Variants in ONECUT2 observed in about 807,000 individuals in gnomAD.
The protein encoded by ONECUT2 is one cut domain family member 2.
A neutral mutation model predicts 27.9 loss-of-function variants in ONECUT2; 10 were observed. The ratio of observed to expected loss-of-function variants is 0.36; its 90% CI spans 0.22 to 0.61. The LOEUF is 0.61. Ranked by LOEUF, ONECUT2 falls within the 20% of genes least tolerant of loss-of-function variation. The pLI is 0.73. For synonymous variants in ONECUT2, 334 were observed against 315.1 expected (o/e 1.06, Z -0.64); for missense variants, 686 against 721.0 (o/e 0.95, Z 0.56).
Position 57,435,993 on chromosome 18 carries a change from ACGG to A in ONECUT2, c.282_284del (p.Ala101del), listed in dbSNP as rs2050137749. The A allele has an allele frequency of 1.3e-6, 2 of 1,507,730 alleles. No individual in the cohort carries two copies. The highest frequency in any genetic ancestry group is 2.8e-5 in the African/African-American group (2 of 72,048). 93.4% of individuals were successfully genotyped at this position (1,507,730 alleles called of 1,614,324 possible). ...TCCAACCGCGCACCAGGAGCTGGGC[ACGG>A]CGGCAGCGGCGGCAGCGGCGGCGTC... On this transcript the variant is annotated inframe_deletion, in exon 1 of 2. Coordinates refer to ENST00000491143, the MANE Select transcript of ONECUT2 (RefSeq NM_004852.3).
At chr18:57,472,379 T>C (rs2050358754) in intron 1 of ONECUT2, among the ~76,000 whole-genome samples, 1 of 152,178 alleles carries the variant, frequency 6.6e-6, no homozygotes, top group Non-Finnish European at 1.5e-5. Context: ...GTCTCCTTTT[T>C]CTTAGGCTTT....
chr18:57,463,078 T>A (rs932968626), intron 1 of ONECUT2, among the ~76,000 whole-genome samples: 8 of 152,206 alleles, frequency 5.3e-5, no homozygotes, highest in Non-Finnish European at 1.0e-4. Context: ...CCATCCATAC[T>A]AAGGTCTGTA....
At chr18:57,444,112 T>C (rs1192924076) in intron 1 of ONECUT2, among the ~76,000 whole-genome samples, 1 of 152,224 alleles carries the variant, frequency 6.6e-6, no homozygotes, top group Admixed American at 6.5e-5. Flanking sequence ...GAACCCGCAG[T>C]GTTAGTGGTT....
At chr18:57,441,015 A>G (rs539864407) in intron 1 of ONECUT2, among the ~76,000 whole-genome samples, 1 of 152,284 alleles carries the variant, frequency 6.6e-6, no homozygotes, top group Non-Finnish European at 1.5e-5. Flanking sequence ...ACACCTTCCC[A>G]ACACGCATCA....
intron 1 of ONECUT2, among the ~76,000 whole-genome samples, chr18:57,443,152 G>T (rs945222527): frequency 1.3e-5 from 2 of 152,182 alleles, no homozygotes; most frequent in African/African-American, 4.8e-5. Context: ...GTGGTATCAT[G>T]GAGGGGGATC....
rs2050372591 is a variant in ONECUT2, at chr18:57,474,757, T to C, written c.1229-1680T>C. On this transcript the variant is annotated intron_variant, in intron 1 of 1. Coordinates refer to ENST00000491143, the MANE Select transcript of ONECUT2 (RefSeq NM_004852.3). ...GTAGCAGACCGTCCACATAAGATGC[T>C]GCCTGCAGAACACATTGAACAGGAA... Among the ~76,000 whole-genome samples the C allele has an allele frequency of 2.0e-5, 3 of 152,194 alleles. No homozygotes were observed. In the South Asian group the frequency reaches 6.2e-4, roughly 31 times the overall value.
chr18:57,473,972 T>C (rs773534806), intron 1 of ONECUT2, among the ~76,000 whole-genome samples: 5 of 152,224 alleles, frequency 3.3e-5, no homozygotes, highest in Admixed American at 1.3e-4. Context: ...CCTTTCTGTC[T>C]GAGTTCCCAC....
intron 1 of ONECUT2, among the ~76,000 whole-genome samples, chr18:57,464,060 T>C (rs2050307062): frequency 6.6e-6 from 1 of 152,128 alleles, no homozygotes; most frequent in African/African-American, 2.4e-5. Context: ...AAGACGCTGT[T>C]AAGTAAAAGA....
In ONECUT2 at chr18:57,485,365, A is replaced by C. The variant is rs188201767; in HGVS notation, c.*8642A>C. On this transcript the variant is annotated 3_prime_UTR_variant, in exon 2 of 2. Transcript: ENST00000491143. ...TTGATACTAAAGGGTTATTTGTGGT[A>C]AATGAAAAATGACCCCAAAATTACA... The C allele has an allele frequency of 2.6e-5, 4 of 152,362 alleles. No individual in the cohort carries two copies. Among genetic ancestry groups the C allele is most frequent in the East Asian group, 3.9e-4 (2 of 5,190 alleles). 9.4% of individuals were successfully genotyped at this position (152,362 alleles called of 1,614,324 possible).
chr18:57,447,736 G>A (rs888800854), intron 1 of ONECUT2, among the ~76,000 whole-genome samples: 6 of 152,002 alleles, frequency 3.9e-5, no homozygotes, highest in Non-Finnish European at 8.8e-5. Context: ...CCAGATGCAT[G>A]CTCCTGATTT....
At position 57,435,386 on chromosome 18, in the gene ONECUT2, G is replaced by C. The variant is rs914226673; in HGVS notation, c.-331G>C. Among the ~76,000 whole-genome samples, 19 of 151,952 alleles carry C rather than the reference G, an allele frequency of 1.3e-4. No homozygotes were observed. Among genetic ancestry groups the C allele is most frequent in the Admixed American group, 8.5e-4 (13 of 15,282 alleles). ...CCCGGCGAGCGGCAGAGCCCTTCTGGACAGCTCCCGCTCACCCAAACAGAA... is the reference window on the plus strand; with the variant it reads ...CCCGGCGAGCGGCAGAGCCCTTCTGCACAGCTCCCGCTCACCCAAACAGAA... On this transcript the variant is annotated 5_prime_UTR_variant, in exon 1 of 2. Transcript: ENST00000491143.
In ONECUT2 at chr18:57,477,648, C is replaced by A. The variant is rs11660231; in HGVS notation, c.*925C>A. On this transcript the variant is annotated 3_prime_UTR_variant, in exon 2 of 2. Transcript: ENST00000491143. ...AATTCTGTTGTACATAATGCAGACG[C>A]ACACTCAGGAGGCCAATTTAACTGT... 4 of 152,636 alleles carry A rather than the reference C, an allele frequency of 2.6e-5. No individual in the cohort carries two copies. Among genetic ancestry groups the A allele is most frequent in the Non-Finnish European group, 5.9e-5 (4 of 68,042 alleles). The allele number at this position is 152,636 out of a possible 1,614,324, so 9.5% of individuals were successfully genotyped here. A position where few individuals can be genotyped will look rare whatever the true frequency, so the allele number is the denominator to read the frequency against.
chr18:57,439,816 T>A (rs2050164394), intron 1 of ONECUT2, among the ~76,000 whole-genome samples: 1 of 152,160 alleles, frequency 6.6e-6, no homozygotes, highest in Admixed American at 6.5e-5. Flanking sequence ...ACCTGCCTCT[T>A]CTCTTTCTCT....
rs1259514366 is a variant in ONECUT2 at position 57,436,132 on chromosome 18, C to T, written c.416C>T (p.Pro139Leu). 6 of 1,603,440 alleles carry T rather than the reference C, an allele frequency of 3.7e-6. No homozygotes were observed. Among genetic ancestry groups the T allele is most frequent in the Admixed American group, 1.7e-5 (1 of 59,984 alleles). Residue 139 changes from proline (P) to leucine (L), a missense_variant, in exon 1 of 2, where the codon CCG becomes CTG. Physicochemically the swap from Pro to Leu is moderately conservative, Grantham distance 98. Transcript: ENST00000491143. The surrounding 1 kb of genome is among the most constrained non-coding windows in gnomAD (Gnocchi z 5.9). ...ATGAGCATGTCCTGCGACTCGTCTC[C>T]GCCTGGCATGGGCATGAGCAACACC... is the stretch of plus-strand genomic sequence containing the variant. Reference protein sequence around the residue: ...HAMSMSCDSSPPGMGMSNTYT... With the variant: ...HAMSMSCDSSLPGMGMSNTYT...
rs756978402 is a variant in ONECUT2 at position 57,435,779 on chromosome 18, C to A, written c.63C>A (p.Asn21Lys). The A allele has an allele frequency of 7.1e-6, 9 of 1,261,504 alleles. No homozygotes were observed. The highest frequency in any genetic ancestry group is 2.7e-5 in the South Asian group (2 of 74,028). 78.1% of individuals were successfully genotyped at this position (1,261,504 alleles called of 1,614,324 possible). Residue 21 changes from asparagine to lysine, a missense_variant, in exon 1 of 2, where the codon AAC becomes AAA. Physicochemically the swap from Asn to Lys is moderately conservative, Grantham distance 94. Transcript: ENST00000491143. ...LTKDLEGCAM[N>K]PELTMESLGT... Reference sequence around the variant, plus strand: ...AAGACCTAGAAGGCTGCGCCATGAACCCGGAGCTGACAATGGAAAGTCTGG... The same window carrying A: ...AAGACCTAGAAGGCTGCGCCATGAAACCGGAGCTGACAATGGAAAGTCTGG...
chr18:57,436,166 G>C lies in ONECUT2; in HGVS notation c.450G>C (p.Thr150=). 1 of 1,606,088 alleles carries C rather than the reference G, an allele frequency of 6.2e-7. No individual in the cohort carries two copies. The highest frequency in any genetic ancestry group is 8.5e-7 in the Non-Finnish European group (1 of 1,179,638). ...PGMGMSNTYT[T]LTPLQPLPPI... ...TGGGCATGAGCAACACCTACACCACGCTGACACCGCTCCAGCCGCTGCCAC... is the reference window on the plus strand; with the variant it reads ...TGGGCATGAGCAACACCTACACCACCCTGACACCGCTCCAGCCGCTGCCAC... The change falls in exon 1 of 2, where the codon ACG becomes ACC. Residue 150 remains threonine (T), a synonymous_variant. Coordinates refer to ENST00000491143, the MANE Select transcript of ONECUT2 (RefSeq NM_004852.3). The surrounding 1 kb of genome is among the most constrained non-coding windows in gnomAD (Gnocchi z 5.9).
rs945989450 is a variant in ONECUT2 at position 57,468,910 on chromosome 18, G to A, written c.1229-7527G>A. Among the ~76,000 whole-genome samples the A allele has an allele frequency of 2.6e-5, 4 of 152,096 alleles. No individual in the cohort carries two copies. In the East Asian group the frequency reaches 7.7e-4, roughly 29 times the overall value. On this transcript the variant is annotated intron_variant, in intron 1 of 1. Transcript: ENST00000491143. ...ATCATGCAGATTAGTTCCAAAGGAA[G>A]GGTTCTCTACTGGACACCATCACCT...
intron 1 of ONECUT2, among the ~76,000 whole-genome samples, chr18:57,472,994 C>T (rs777492152): frequency 2.6e-5 from 4 of 152,248 alleles, no homozygotes; most frequent in Admixed American, 2.0e-4. Flanking sequence ...GAAGGCTTGA[C>T]ACCAGTTGTC....
At chr18:57,459,902 G>T (rs1001621597) in intron 1 of ONECUT2, among the ~76,000 whole-genome samples, 2 of 151,222 alleles carry the variant, frequency 1.3e-5, no homozygotes, top group Non-Finnish European at 2.9e-5. Context: ...TATGTGTTTT[G>T]CTTCTTGGGT....
Sources: allele counts gnomAD v4.1 joint callset (sites outside exome capture counted in the v4.1 genomes callset), GRCh38; gene constraint gnomAD v4.1.1; non-coding constraint Gnocchi (gnomAD v3.1); transcripts MANE v1.5; gene names NCBI Gene and HGNC (gene_info 2026-07-23, HGNC 2026-07-21).